Variants in KCNIP4 observed in about 807,000 individuals in gnomAD.
KCNIP4 encodes potassium voltage-gated channel interacting protein 4.
Under a neutral mutation model 34.0 loss-of-function variants are expected in KCNIP4, and 12 were observed. That is an observed-to-expected ratio of 0.35 (90% CI 0.23 to 0.57). The LOEUF is 0.57. KCNIP4 is among the 20% of genes least tolerant of loss of function. KCNIP4 has a pLI of 0.83. For missense variants in KCNIP4, 238 were observed against 311.7 expected (o/e 0.76, Z 1.78); for synonymous variants, 124 against 102.2 (o/e 1.21, Z -1.29).
intron 1 of KCNIP4, among the ~76,000 whole-genome samples, chr4:21,528,859 G>A (rs1052743160): frequency 8.1e-5 from 12 of 148,636 alleles, no homozygotes; most frequent in Non-Finnish European, 1.6e-4. Context: ...AAGGAAGGAA[G>A]GAAGGAAGGA....
chr4:21,108,669 G>A (rs1398684501), intron 1 of KCNIP4, among the ~76,000 whole-genome samples: 15 of 151,690 alleles, frequency 9.9e-5, no homozygotes, highest in Admixed American at 9.8e-4. Flanking sequence ...AGGAGGAGAG[G>A]CACTCTGCTT....
At chr4:20,766,026 A>C (rs1355490989) in intron 3 of KCNIP4, among the ~76,000 whole-genome samples, 1 of 152,226 alleles carries the variant, frequency 6.6e-6, no homozygotes, top group Non-Finnish European at 1.5e-5. Context: ...TTGATATTTT[A>C]TAATTATTAA....
intron 1 of KCNIP4, among the ~76,000 whole-genome samples, chr4:20,976,305 G>A (rs1202190084): frequency 6.6e-6 from 1 of 152,150 alleles, no homozygotes; most frequent in African/African-American, 2.4e-5. Context: ...GGTCAGCTAG[G>A]TGATTCTGAA....
rs569332314 is a variant in KCNIP4, at chr4:21,938,180, T to G, written c.61+10391A>C. Among the ~76,000 whole-genome samples, 3 of 152,238 alleles carry G rather than the reference T, an allele frequency of 2.0e-5. No homozygotes were observed. In the South Asian group the frequency reaches 6.2e-4, roughly 32 times the overall value. On this transcript the variant is annotated intron_variant, in intron 1 of 8. Transcript: ENST00000382152. ...TGAAAAATTCATTCTCATTCTCCAG[T>G]CCTATCTAGTCTAAGTAGCTTTCTA...
intron 1 of KCNIP4, among the ~76,000 whole-genome samples, chr4:21,940,271 G>A (rs1322395966): frequency 1.3e-5 from 2 of 152,074 alleles, no homozygotes; most frequent in Admixed American, 6.6e-5. Context: ...AGAACTTCAA[G>A]CCCACTTCTT....
At chr4:21,772,385 C>CT (rs1246092858) in intron 1 of KCNIP4, among the ~76,000 whole-genome samples, 1 of 152,022 alleles carries the variant, frequency 6.6e-6, no homozygotes, top group African/African-American at 2.4e-5. Context: ...CTGATGTTTT[C>CT]TTTTTTTGTT....
At chr4:21,935,254 G>C (rs1463730923) in intron 1 of KCNIP4, among the ~76,000 whole-genome samples, 1 of 151,996 alleles carries the variant, frequency 6.6e-6, no homozygotes, top group Non-Finnish European at 1.5e-5. Context: ...ACTTCTCAAT[G>C]ACCTTTCCAC....
At chr4:21,748,444 T>C (rs1162215206) in intron 1 of KCNIP4, among the ~76,000 whole-genome samples, 1 of 152,192 alleles carries the variant, frequency 6.6e-6, no homozygotes, top group African/African-American at 2.4e-5. Context: ...TTATTGTCAG[T>C]GGTTTAGAGT....
At chr4:21,130,457 C>T (rs1278489242) in intron 1 of KCNIP4, among the ~76,000 whole-genome samples, 1 of 152,108 alleles carries the variant, frequency 6.6e-6, no homozygotes, top group South Asian at 2.1e-4. Flanking sequence ...GTCATCATTG[C>T]ATAATGTTGG....
chr4:21,889,741 T>A (rs1726983002), intron 1 of KCNIP4, among the ~76,000 whole-genome samples: 1 of 152,056 alleles, frequency 6.6e-6, no homozygotes, highest in Non-Finnish European at 1.5e-5. Context: ...GAAAAACCTG[T>A]GAGGGACAGA....
intron 1 of KCNIP4, among the ~76,000 whole-genome samples, chr4:20,912,436 C>T (rs1243883422): frequency 6.6e-6 from 1 of 152,094 alleles, no homozygotes; most frequent in African/African-American, 2.4e-5. Flanking sequence ...CATTTATAGG[C>T]TGGGTGCAGT....
intron 1 of KCNIP4, among the ~76,000 whole-genome samples, chr4:21,015,376 A>C (rs28870147): frequency 0.016 from 2,319 of 146,146 alleles, 70 homozygotes; most frequent in African/African-American, 0.055. Flanking sequence ...TCTTCTCACA[A>C]TTCCTTATAA....
chr4:20,773,047 G>GA (rs34903951), intron 3 of KCNIP4, among the ~76,000 whole-genome samples: 35,951 of 147,048 alleles, frequency 0.24, 5,015 homozygotes, highest in African/African-American at 0.39. Context: ...TGAAGTTAAA[G>GA]AAAAAAAAAA....
At chr4:21,060,052 G>T (rs1743778065) in intron 1 of KCNIP4, among the ~76,000 whole-genome samples, 1 of 152,030 alleles carries the variant, frequency 6.6e-6, no homozygotes, top group African/African-American at 2.4e-5. Flanking sequence ...TTGGAGATTT[G>T]TATCACATAA....
intron 1 of KCNIP4, among the ~76,000 whole-genome samples, chr4:21,822,282 G>C (rs755389386): frequency 7.2e-5 from 11 of 152,176 alleles, no homozygotes; most frequent in Non-Finnish European, 1.6e-4. Context: ...ATAAAATTGT[G>C]TAATTAGTCA....
At chr4:21,144,788 T>C (rs1752231047) in intron 1 of KCNIP4, among the ~76,000 whole-genome samples, 1 of 152,210 alleles carries the variant, frequency 6.6e-6, no homozygotes, top group Non-Finnish European at 1.5e-5. Flanking sequence ...TTCCTTTTCT[T>C]TCTATATCCA....
intron 1 of KCNIP4, among the ~76,000 whole-genome samples, chr4:20,905,216 T>C (rs998168055): frequency 5.3e-5 from 8 of 152,178 alleles, no homozygotes; most frequent in Non-Finnish European, 1.2e-4. Flanking sequence ...TTTCAAGGCC[T>C]CTCTTTTTGT....
chr4:21,131,164 A>C (rs28461521), intron 1 of KCNIP4, among the ~76,000 whole-genome samples: 5,537 of 152,272 alleles, frequency 0.036, 297 homozygotes, highest in African/African-American at 0.12. Flanking sequence ...ATCAATGTCC[A>C]TCAGCAGCAA....
chr4:21,331,871 C>T (rs1715670898), intron 1 of KCNIP4, among the ~76,000 whole-genome samples: 1 of 152,058 alleles, frequency 6.6e-6, no homozygotes, highest in Non-Finnish European at 1.5e-5. Context: ...TATAAATTCA[C>T]ATGTCTGTTT....
Sources: allele counts gnomAD v4.1 joint callset (sites outside exome capture counted in the v4.1 genomes callset), GRCh38; gene constraint gnomAD v4.1.1; transcripts MANE v1.5; gene names NCBI Gene and HGNC (gene_info 2026-07-23, HGNC 2026-07-21).